Variants in ZNF710 observed in about 807,000 individuals in gnomAD.
The protein encoded by ZNF710 is zinc finger protein 710.
Under a neutral mutation model 50.6 loss-of-function variants are expected in ZNF710, and 13 were observed. The observed-to-expected ratio is 0.26, with a 90% confidence interval of 0.17 to 0.41. The LOEUF (loss-of-function observed/expected upper bound fraction) is 0.41. Ranked by LOEUF, ZNF710 falls within the 10% of genes least tolerant of loss-of-function variation. The pLI is 1.00. For synonymous variants in ZNF710, 383 were observed against 397.0 expected (o/e 0.96, Z 0.42); for missense variants, 721 against 936.6 (o/e 0.77, Z 3.01).
At chr15:90,061,181 GT>G (rs1275061826) in intron 1 of ZNF710, among the ~76,000 whole-genome samples, 1 of 151,546 alleles carries the variant, frequency 6.6e-6, no homozygotes, top group Non-Finnish European at 1.5e-5. Context: ...TTTTTGTTTT[GT>G]TTTTTGAGAC....
At chr15:90,063,149 C>G (rs980790835) in intron 1 of ZNF710, among the ~76,000 whole-genome samples, 1 of 152,174 alleles carries the variant, frequency 6.6e-6, no homozygotes, top group Non-Finnish European at 1.5e-5. Flanking sequence ...CGTGCCCCTG[C>G]TGGCCTGTGG....
chr15:90,026,763 A>G (rs1014249969), intron 1 of ZNF710, among the ~76,000 whole-genome samples: 2 of 152,250 alleles, frequency 1.3e-5, no homozygotes, highest in Admixed American at 6.5e-5. Flanking sequence ...CTAATGCATT[A>G]AAAAAGTAAA....
chr15:89,998,999 C>T (rs914592057), upstream of ZNF710, among the ~76,000 whole-genome samples: 57 of 152,298 alleles, frequency 3.7e-4, no homozygotes, highest in African/African-American at 1.4e-3. Flanking sequence ...TGTGCTCTAT[C>T]CTCACTCTCC....
rs377713821 is a variant in ZNF710 at position 90,080,502 on chromosome 15, T to C, written c.*673T>C. Reference sequence around the variant, plus strand: ...TGGAAGTGAGTGTCCCTACAGTGGATTGCAACACATGTCGTCCACTTCGAC... The same window carrying C: ...TGGAAGTGAGTGTCCCTACAGTGGACTGCAACACATGTCGTCCACTTCGAC... On this transcript the variant is annotated 3_prime_UTR_variant, in exon 5 of 5. Coordinates refer to ENST00000268154, the MANE Select transcript of ZNF710 (RefSeq NM_198526.4). 287 of 152,812 alleles carry C rather than the reference T, an allele frequency of 1.9e-3. 7 individuals are homozygous for C. In the South Asian group the frequency reaches 0.053, roughly 28 times the overall value. The allele number at this position is 152,812 out of a possible 1,614,324, so 9.5% of individuals were successfully genotyped here.
At position 90,040,140 on chromosome 15, in the gene ZNF710, T is replaced by C. The variant is rs946875654; in HGVS notation, c.-28-26970T>C. 1.3e-5 allele frequency among the ~76,000 whole-genome samples: 2 copies of C among 152,194 alleles called. No homozygotes were observed. The highest frequency in any genetic ancestry group is 4.8e-5 in the African/African-American group (2 of 41,450). ...TGTGCATGGTGGCCATACTGCTGGA[T>C]GACCATGCCAGCTTGGGCTGTGGCT... On this transcript the variant is annotated intron_variant, in intron 1 of 4. Coordinates refer to ENST00000268154, the MANE Select transcript of ZNF710 (RefSeq NM_198526.4). The surrounding 1 kb of genome is among the most constrained non-coding windows in gnomAD (Gnocchi z 4.6).
intron 1 of ZNF710, chr15:90,024,831 A>G (rs1898727546): frequency 6.6e-6 from 1 of 152,232 alleles, no homozygotes; most frequent in Non-Finnish European, 1.5e-5. Flanking sequence ...GGTGGCAGGA[A>G]CCGATAGAAC....
At chr15:90,071,055 G>C (rs143347267) in intron 2 of ZNF710, among the ~76,000 whole-genome samples, 3,993 of 152,236 alleles carry the variant, frequency 0.026, 163 homozygotes, top group East Asian at 0.15. Flanking sequence ...AAGGTCAGGA[G>C]TTCGAGGCCA....
intron 1 of ZNF710, among the ~76,000 whole-genome samples, chr15:90,046,480 G>A (rs1248233531): frequency 1.3e-5 from 2 of 152,178 alleles, no homozygotes; most frequent in Non-Finnish European, 2.9e-5. Flanking sequence ...GACTAGAGGA[G>A]GGTGGAGGAG....
upstream of ZNF710, among the ~76,000 whole-genome samples, chr15:89,998,350 C>T (rs1897960638): frequency 6.6e-6 from 1 of 152,220 alleles, no homozygotes; most frequent in Admixed American, 6.5e-5. Context: ...CCCATCCTCT[C>T]CTGATTCCTA....
chr15:90,008,427 T>TATATATATACATATATATAC (rs1555454965), intron 1 of ZNF710, among the ~76,000 whole-genome samples: 13 of 135,088 alleles, frequency 9.6e-5, no homozygotes, highest in African/African-American at 4.0e-4. Flanking sequence ...TGTGTGTGTG[T>TATATATATACATATATATAC]ATATATATAT....
chr15:90,035,268 C>T (rs538792100), intron 1 of ZNF710, among the ~76,000 whole-genome samples: 4 of 152,228 alleles, frequency 2.6e-5, no homozygotes, highest in Non-Finnish European at 4.4e-5. Flanking sequence ...CCCCAGCTTC[C>T]GGCTGCTGGG....
chr15:90,032,575 C>T (rs1228210400), intron 1 of ZNF710, among the ~76,000 whole-genome samples: 1 of 151,632 alleles, frequency 6.6e-6, no homozygotes, highest in African/African-American at 2.4e-5. Flanking sequence ...GTCAGGAGTT[C>T]GAGACCAGCC....
At chr15:90,074,009 AAAAC>A in intron 3 of ZNF710, 103 bp from the exon 4 acceptor site, 6 of 1,254,268 alleles carry the variant, frequency 4.8e-6, no homozygotes, top group African/African-American at 3.2e-5. Context: ...ACAAAAAAAA[AAAAC>A]AAAAGAATAG....
In ZNF710 at chr15:90,057,698, A is replaced by ATAATAAT. The variant is rs1181417742; in HGVS notation, c.-28-9411_-28-9405dup. ...GGTTACAGAGCAAGACTAAATAATA[A>ATAATAAT]TAATAATAATAATAATAATAATAAT... On this transcript the variant is annotated intron_variant, in intron 1 of 4. Transcript: ENST00000268154. Among the ~76,000 whole-genome samples the ATAATAAT allele has an allele frequency of 3.4e-5, 5 of 147,572 alleles. No individual in the cohort carries two copies. In the East Asian group the frequency reaches 9.9e-4, roughly 29 times the overall value.
rs771669781 is a variant in ZNF710 at position 90,067,664 on chromosome 15, G to A, written c.527G>A (p.Arg176Gln). 58 of 1,612,722 alleles carry A rather than the reference G, an allele frequency of 3.6e-5. No individual in the cohort carries two copies. Among genetic ancestry groups the A allele is most frequent in the African/African-American group, 5.3e-5 (4 of 74,916 alleles). ...CCCCGGACGCTCCGGCATCTGCCCC[G>A]AACCCCGAGGCCGGAGCTGAACGTG... ...RKPRTLRHLP[R>Q]TPRPELNVAP... The change falls in exon 2 of 5, where the codon CGA becomes CAA. Residue 176 changes from arginine to glutamine, a missense_variant. Around this residue, in one of 3 missense-constraint regions of ZNF710, gnomAD observed 326 missense variants for 347.1 expected, o/e 0.94. Coordinates refer to ENST00000268154, the MANE Select transcript of ZNF710 (RefSeq NM_198526.4). The surrounding 1 kb of genome is among the most constrained non-coding windows in gnomAD (Gnocchi z 8.1).
chr15:90,045,278 C>T (rs922808450), intron 1 of ZNF710: 1 of 951,040 alleles, frequency 1.1e-6, no homozygotes, highest in Non-Finnish European at 1.3e-6. Context: ...AGTCACTCTA[C>T]AGTGACCTCA....
At chr15:90,078,244 G>A (rs976847091) in intron 4 of ZNF710, among the ~76,000 whole-genome samples, 1 of 150,832 alleles carries the variant, frequency 6.6e-6, no homozygotes, top group Admixed American at 6.6e-5. Context: ...GAAAAGAAAT[G>A]GTTCAAAGTC....
rs759851689 is a variant in ZNF710 at position 90,059,806 on chromosome 15, CAG to C, written c.-28-7303_-28-7302del. ...TTGAAGCCTCCTGCGAGGAGGACAA[CAG>C]GGGAAACCAAGAGGCTGGTTTCCTT... On this transcript the variant is annotated intron_variant, in intron 1 of 4. Transcript: ENST00000268154. This position sits in a 1 kb window ranked among gnomAD's most constrained non-coding sequence, Gnocchi z 4.1. Among the ~76,000 whole-genome samples, 5 of 152,308 alleles carry C rather than the reference CAG, an allele frequency of 3.3e-5. No homozygotes were observed. The South Asian group carries it at 8.3e-4, about 25-fold the overall frequency.
At chr15:90,036,616 A>G (rs978380656) in intron 1 of ZNF710, among the ~76,000 whole-genome samples, 1 of 152,254 alleles carries the variant, frequency 6.6e-6, no homozygotes, top group Non-Finnish European at 1.5e-5. Flanking sequence ...TTCTAGTGAC[A>G]GACCTGGCCA....
Sources: allele counts gnomAD v4.1 joint callset (sites outside exome capture counted in the v4.1 genomes callset), GRCh38; gene constraint gnomAD v4.1.1; regional missense constraint gnomAD v4.1.1; non-coding constraint Gnocchi (gnomAD v3.1); transcripts MANE v1.5; gene names NCBI Gene and HGNC (gene_info 2026-07-23, HGNC 2026-07-21).